Variants in PKHD1 observed in about 807,000 individuals in gnomAD.
PKHD1 encodes the protein fibrocystin.
In PKHD1, 291 loss-of-function variants were observed where a neutral mutation model predicts 412.0. That is an observed-to-expected ratio of 0.71 (90% CI 0.64 to 0.78). The LOEUF (loss-of-function observed/expected upper bound fraction) is 0.78. Among genes scored for constraint, PKHD1 ranks in the 30% least tolerant of loss-of-function variants. PKHD1 has a pLI of 0.00. For synonymous variants in PKHD1, 1,777 were observed against 1,821.5 expected, an observed-to-expected ratio of 0.98 and a Z score of 0.62; for missense variants, 4,825 against 4,950.7, an observed-to-expected ratio of 0.97 and a Z score of 0.76.
intron 34 of PKHD1, among the ~76,000 whole-genome samples, chr6:52,013,312 C>T (rs1800038232): frequency 6.6e-6 from 1 of 152,178 alleles, no homozygotes; most frequent in Admixed American, 6.5e-5. Flanking sequence ...TATTCTTGCT[C>T]TGAAGAGAAT....
intron 64 of PKHD1, among the ~76,000 whole-genome samples, chr6:51,637,253 C>T (rs1020632810): frequency 1.3e-5 from 2 of 152,166 alleles, no homozygotes; most frequent in Non-Finnish European, 2.9e-5. Flanking sequence ...CTGTCTTACC[C>T]TTTAAGACAT....
At chr6:51,704,384 A>G (rs1779779550) in intron 60 of PKHD1, among the ~76,000 whole-genome samples, 1 of 152,112 alleles carries the variant, frequency 6.6e-6, no homozygotes, top group South Asian at 2.1e-4. Context: ...CTATAAGATA[A>G]AGGGAAGCCA....
chr6:51,644,481 G>T (rs1316938398), intron 63 of PKHD1, among the ~76,000 whole-genome samples: 1 of 152,174 alleles, frequency 6.6e-6, no homozygotes. Flanking sequence ...CCATCTGAAT[G>T]AGCTTAGACT....
rs531251279 is a variant in PKHD1, at chr6:51,916,979, T to G, written c.6122-4403A>C. Among the ~76,000 whole-genome samples, 4 of 152,210 alleles carry G rather than the reference T, an allele frequency of 2.6e-5. No individual in the cohort carries two copies. In the South Asian group the frequency reaches 8.3e-4, roughly 32 times the overall value. On this transcript the variant is annotated intron_variant, in intron 37 of 66. Coordinates refer to ENST00000371117, the MANE Select transcript of PKHD1 (RefSeq NM_138694.4). The stretch of plus-strand genomic sequence containing the variant: ...TTATTGTTCAAGCATTTCAATGTCA[T>G]TCATCCATAATTACACAGTCTCAGA...
At chr6:51,893,350 A>G (rs2127578232) in intron 43 of PKHD1, among the ~76,000 whole-genome samples, 1 of 152,344 alleles carries the variant, frequency 6.6e-6, no homozygotes, top group East Asian at 1.9e-4. Flanking sequence ...CATCTGCCCT[A>G]GTGCCATTAG....
intron 53 of PKHD1, among the ~76,000 whole-genome samples, chr6:51,778,130 T>C (rs577854319): frequency 6.6e-6 from 1 of 152,098 alleles, no homozygotes; most frequent in South Asian, 2.1e-4. Flanking sequence ...AATCTAGCAA[T>C]CAAAGAAAGG....
intron 34 of PKHD1, 79 bp from the exon 35 acceptor site, chr6:52,010,538 C>A (rs1581728198): frequency 8.0e-7 from 1 of 1,245,192 alleles, no homozygotes; most frequent in Non-Finnish European, 1.2e-6. Context: ...TTAATCATTG[C>A]AAGCCATTAG....
In PKHD1 at chr6:51,772,407, T is replaced by C. The variant is rs183717889; in HGVS notation, c.8642+295A>G. ...TATTCTTACCTCATACTTCATCTCT[T>C]ATCTCATGGAATTCATATATTTTAA... On this transcript the variant is annotated intron_variant, in intron 55 of 66. Coordinates refer to ENST00000371117, the MANE Select transcript of PKHD1 (RefSeq NM_138694.4). Among the ~76,000 whole-genome samples, 1,002 of 152,096 alleles carry C rather than the reference T, an allele frequency of 6.6e-3. 6 individuals are homozygous for C. Among genetic ancestry groups the C allele is most frequent in the Non-Finnish European group, 0.011 (727 of 67,954 alleles).
intron 51 of PKHD1, among the ~76,000 whole-genome samples, chr6:51,832,343 C>T (rs1288715118): frequency 6.6e-6 from 1 of 151,958 alleles, no homozygotes; most frequent in Non-Finnish European, 1.5e-5. Flanking sequence ...AAGAGGGTTG[C>T]ACTGCAGACA....
intron 43 of PKHD1, among the ~76,000 whole-genome samples, chr6:51,895,677 A>C (rs1183713599): frequency 2.0e-5 from 3 of 152,192 alleles, no homozygotes; most frequent in Non-Finnish European, 4.4e-5. Context: ...AGATGGCCGA[A>C]TAGGAACAGC....
At chr6:52,006,082 G>C (rs1038190747) in intron 35 of PKHD1, among the ~76,000 whole-genome samples, 12 of 151,104 alleles carry the variant, frequency 7.9e-5, no homozygotes, top group African/African-American at 2.4e-4. Context: ...TTAAGTTGTT[G>C]AGCCACTTGA....
intron 27 of PKHD1, among the ~76,000 whole-genome samples, chr6:52,036,832 G>T (rs932796067): frequency 6.6e-6 from 1 of 152,034 alleles, no homozygotes; most frequent in African/African-American, 2.4e-5. Flanking sequence ...TAAAATAAAT[G>T]GATCGAAAGA....
chr6:52,084,300 C>A (rs1482219739), intron 2 of PKHD1, among the ~76,000 whole-genome samples: 1 of 152,242 alleles, frequency 6.6e-6, no homozygotes, highest in Non-Finnish European at 1.5e-5. Flanking sequence ...TTAGCACAAC[C>A]ATTTATGGCA....
chr6:51,790,729 T>C (rs1793607358), intron 53 of PKHD1, among the ~76,000 whole-genome samples: 2 of 152,212 alleles, frequency 1.3e-5, no homozygotes, highest in Admixed American at 1.3e-4. Context: ...CTCCTCACTT[T>C]TCTTTTCCCT....
intron 60 of PKHD1, among the ~76,000 whole-genome samples, chr6:51,677,263 G>A (rs534313080): frequency 2.6e-5 from 4 of 152,106 alleles, no homozygotes; most frequent in Non-Finnish European, 5.9e-5. Context: ...TTCACAGTTT[G>A]TTAGACAGTG....
intron 65 of PKHD1, 41 bp downstream of exon 65, chr6:51,632,524 T>G: frequency 6.4e-7 from 1 of 1,555,642 alleles, no homozygotes; most frequent in East Asian, 2.3e-5. Flanking sequence ...TGACTTTTTT[T>G]TCAGAAATTT....
At chr6:52,086,269 C>T (rs1013671916) in intron 1 of PKHD1, among the ~76,000 whole-genome samples, 5 of 151,544 alleles carry the variant, frequency 3.3e-5, no homozygotes, top group African/African-American at 1.2e-4. Flanking sequence ...CGCCACCACA[C>T]CCGGCTAATT....
At chr6:51,853,587 G>A (rs190356955) in intron 49 of PKHD1, among the ~76,000 whole-genome samples, 17 of 152,246 alleles carry the variant, frequency 1.1e-4, no homozygotes, top group African/African-American at 4.1e-4. Flanking sequence ...GTCTTTTTAT[G>A]AAATCCCATA....
At chr6:51,721,321 T>A (rs1781898197) in intron 60 of PKHD1, 2 of 750,318 alleles carry the variant, frequency 2.7e-6, no homozygotes, top group Non-Finnish European at 3.2e-6. Flanking sequence ...AATAACCCAC[T>A]ATTATTGGTA....
Sources: allele counts gnomAD v4.1 joint callset (sites outside exome capture counted in the v4.1 genomes callset), GRCh38; gene constraint gnomAD v4.1.1; transcripts MANE v1.5; gene names NCBI Gene and HGNC (gene_info 2026-07-23, HGNC 2026-07-21).